Variants in ALKBH5 observed in about 807,000 individuals in gnomAD.
The protein encoded by ALKBH5 is alkB homolog 5, RNA demethylase.
In ALKBH5, 2 loss-of-function variants were observed where a neutral mutation model predicts 32.1. That is an observed-to-expected ratio of 0.06 (90% CI 0.03 to 0.20). ALKBH5 has a LOEUF of 0.20. Ranked by LOEUF, ALKBH5 falls within the 10% of genes least tolerant of loss-of-function variation. The pLI is 1.00. For synonymous variants in ALKBH5, 300 were observed against 231.7 expected (o/e 1.29, Z -2.68); for missense variants, 352 against 559.5 (o/e 0.63, Z 3.74).
intron 1 of ALKBH5, among the ~76,000 whole-genome samples, chr17:18,193,089 C>T (rs1286807161): frequency 6.6e-6 from 1 of 151,916 alleles, no homozygotes; most frequent in Non-Finnish European, 1.5e-5. Flanking sequence ...AACTCCTAAC[C>T]TCAGGCAACA....
At position 18,197,042 on chromosome 17, in the gene ALKBH5, T is replaced by A. The variant is rs117429092; in HGVS notation, c.851+2007T>A. Among the ~76,000 whole-genome samples, 1,134 of 152,304 alleles carry A rather than the reference T, an allele frequency of 7.4e-3. 7 individuals are homozygous for A. The highest frequency in any genetic ancestry group is 0.013 in the Non-Finnish European group (861 of 68,014). On this transcript the variant is annotated intron_variant, in intron 2 of 3. Coordinates refer to ENST00000399138, the MANE Select transcript of ALKBH5 (RefSeq NM_017758.4). The stretch of plus-strand genomic sequence containing the variant: ...CATCCTGGTCCTTTGGGCCCATAAC[T>A]CCAGAATATTGTAGTGGTGAAGTCT...
chr17:18,204,163 G>A (rs537885887), intron 2 of ALKBH5, among the ~76,000 whole-genome samples: 1 of 152,302 alleles, frequency 6.6e-6, no homozygotes, highest in East Asian at 1.9e-4. Flanking sequence ...TAAAGAAAAG[G>A]TCATTGGGCC....
At chr17:18,191,312 T>C (rs2047173260) in intron 1 of ALKBH5, among the ~76,000 whole-genome samples, 1 of 152,182 alleles carries the variant, frequency 6.6e-6, no homozygotes, top group South Asian at 2.1e-4. Flanking sequence ...TGCTAGGAAG[T>C]TCTAGAAGAC....
intron 2 of ALKBH5, among the ~76,000 whole-genome samples, chr17:18,203,493 C>T (rs73288261): frequency 0.026 from 3,989 of 152,310 alleles, 194 homozygotes; most frequent in African/African-American, 0.09. Flanking sequence ...GTCAACCTCA[C>T]ATGCCCGAGG....
intron 2 of ALKBH5, among the ~76,000 whole-genome samples, chr17:18,201,794 A>AGATAGATAGATAGGATAGATAAGAT (rs1491101824): frequency 7.4e-6 from 1 of 134,416 alleles, no homozygotes; most frequent in Non-Finnish European, 1.6e-5. Context: ...TAGGATAGAT[A>AGATAGATAGATAGGATAGATAAGAT]AGATAGATAG....
At position 18,184,348 on chromosome 17, in the gene ALKBH5, A is replaced by G; in HGVS notation, c.105A>G (p.Ala35=). The stretch of plus-strand genomic sequence containing the variant: ...GCCGGGAGGCCGCCGCCGCTGCCGC[A>G]GCCGCCGTAGCCGCCGCAGCCGCAG... ...AGSREAAAAA[A]AAVAAAAAAA... The change falls in exon 1 of 4, where the codon GCA becomes GCG. Residue 35 remains alanine, a synonymous_variant. Coordinates refer to ENST00000399138, the MANE Select transcript of ALKBH5 (RefSeq NM_017758.4). 1 of 1,509,448 alleles carries G rather than the reference A, an allele frequency of 6.6e-7. No individual in the cohort carries two copies. The highest frequency in any genetic ancestry group is 2.6e-5 in the East Asian group (1 of 38,686). 93.5% of individuals were successfully genotyped at this position (1,509,448 alleles called of 1,614,324 possible). A position where few individuals can be genotyped will look rare whatever the true frequency, so the allele number is the denominator to read the frequency against.
rs746516657 is a variant in ALKBH5, at chr17:18,208,450, C to A, written c.*54C>A. 7 of 1,591,924 alleles carry A rather than the reference C, an allele frequency of 4.4e-6. No homozygotes were observed. The South Asian group carries it at 8.0e-5, about 18-fold the overall frequency. On this transcript the variant is annotated 3_prime_UTR_variant, in exon 4 of 4. Transcript: ENST00000399138. ...GGCTCATCCTTACGTAGTTGCCCCT[C>A]CTTTTGTTTTGAGGGTTTTGTTTTT...
chr17:18,192,959 A>G (rs2047185879), intron 1 of ALKBH5, among the ~76,000 whole-genome samples: 1 of 146,586 alleles, frequency 6.8e-6, no homozygotes. Context: ...TCCCAGGTTC[A>G]GCGATTCTCC....
In ALKBH5 at chr17:18,198,494, GCCTTGGAAGATA is replaced by G. The variant is rs1413156121; in HGVS notation, c.851+3463_851+3474del. On this transcript the variant is annotated intron_variant, in intron 2 of 3. Transcript: ENST00000399138. Reference sequence around the variant, plus strand: ...ATTGCCCGGAGATAAGTATGATGTGGCCTTGGAAGATACCTGGCTGGTTTGATGTCTTCTGGT... The same window carrying G: ...ATTGCCCGGAGATAAGTATGATGTGGCCTGGCTGGTTTGATGTCTTCTGGT... Among the ~76,000 whole-genome samples the G allele has an allele frequency of 1.8e-4, 27 of 152,340 alleles. No individual in the cohort carries two copies. In the East Asian group the frequency reaches 3.9e-3, roughly 22 times the overall value.
In ALKBH5 at chr17:18,184,349, G is replaced by A. The variant is rs1242469413; in HGVS notation, c.106G>A (p.Ala36Thr). The A allele has an allele frequency of 6.6e-7, 1 of 1,510,356 alleles. No individual in the cohort carries two copies. Among genetic ancestry groups the A allele is most frequent in the South Asian group, 1.3e-5 (1 of 79,320 alleles). 93.6% of individuals were successfully genotyped at this position (1,510,356 alleles called of 1,614,324 possible). Residue 36 changes from alanine (A) to threonine (T), a missense_variant, in exon 1 of 4, where the codon GCC (alanine) becomes ACC (threonine). This residue lies in a region of ALKBH5 where 144 missense variants were observed against 125.8 expected (regional missense o/e 1.14). Transcript: ENST00000399138. The part of the protein sequence containing the change: ...GSREAAAAAA[A>T]AVAAAAAAAA... The stretch of plus-strand genomic sequence containing the variant: ...CCGGGAGGCCGCCGCCGCTGCCGCA[G>A]CCGCCGTAGCCGCCGCAGCCGCAGC...
intron 1 of ALKBH5, among the ~76,000 whole-genome samples, chr17:18,185,975 A>G (rs1260702763): frequency 6.6e-6 from 1 of 152,158 alleles, no homozygotes; most frequent in African/African-American, 2.4e-5. Context: ...ACCAAATACA[A>G]GGTTGAGGAC....
intron 3 of ALKBH5, 21 bp downstream of exon 3, chr17:18,206,991 A>G (rs867345208): frequency 6.2e-7 from 1 of 1,609,104 alleles, no homozygotes; most frequent in African/African-American, 1.3e-5. Flanking sequence ...TAGGACCCTC[A>G]GCAAAGGCTG....
At chr17:18,203,104 G>T (rs973507895) in intron 2 of ALKBH5, among the ~76,000 whole-genome samples, 1 of 151,834 alleles carries the variant, frequency 6.6e-6, no homozygotes, top group Non-Finnish European at 1.5e-5. Flanking sequence ...GTTTAAATAG[G>T]GACAAGGTCT....
chr17:18,200,971 A>G (rs1282420240), intron 2 of ALKBH5, among the ~76,000 whole-genome samples: 2 of 151,984 alleles, frequency 1.3e-5, no homozygotes, highest in African/African-American at 4.8e-5. Context: ...GAGAGATTGT[A>G]GGAAGCGAAG....
intron 2 of ALKBH5, among the ~76,000 whole-genome samples, chr17:18,200,710 G>A (rs989264932): frequency 1.3e-5 from 2 of 152,200 alleles, no homozygotes; most frequent in African/African-American, 4.8e-5. Context: ...GCCACCTGAA[G>A]GTAGTCAAGG....
chr17:18,202,428 A>G (rs1159389259), intron 2 of ALKBH5, among the ~76,000 whole-genome samples: 5 of 152,130 alleles, frequency 3.3e-5, no homozygotes, highest in Non-Finnish European at 7.4e-5. Context: ...CCAGCAAGGT[A>G]CAGACCTGAG....
intron 1 of ALKBH5, among the ~76,000 whole-genome samples, chr17:18,191,192 C>G (rs977626074): frequency 1.3e-5 from 2 of 152,140 alleles, no homozygotes; most frequent in Non-Finnish European, 2.9e-5. Flanking sequence ...GGTCTCTGCT[C>G]GACATTTTGT....
intron 1 of ALKBH5, among the ~76,000 whole-genome samples, chr17:18,190,598 C>T (rs1198731919): frequency 6.6e-6 from 1 of 151,418 alleles, no homozygotes; most frequent in Non-Finnish European, 1.5e-5. Flanking sequence ...TTAATTTGCA[C>T]CTAATCTTCT....
At chr17:18,186,386 G>C (rs2047139577) in intron 1 of ALKBH5, among the ~76,000 whole-genome samples, 1 of 152,186 alleles carries the variant, frequency 6.6e-6, no homozygotes, top group South Asian at 2.1e-4. Flanking sequence ...GCTGTGTAAG[G>C]CAGGTTGGGG....
Sources: gnomAD v4.1 joint callset for allele counts (sites outside exome capture counted in the v4.1 genomes callset) on GRCh38, gnomAD v4.1.1 for gene constraint, gnomAD v4.1.1 regional missense constraint, MANE v1.5 for transcripts, NCBI Gene and HGNC (gene_info 2026-07-23, HGNC 2026-07-21) for gene names.